The following PTPRQ variants were observed in gnomAD, a reference collection of about 807,000 sequenced individuals.
PTPRQ encodes the protein phosphatidylinositol phosphatase PTPRQ.
A neutral mutation model predicts 246.0 loss-of-function variants in PTPRQ; 199 were observed. That is an observed-to-expected ratio of 0.81 (90% CI 0.72 to 0.91). The LOEUF (loss-of-function observed/expected upper bound fraction) is 0.91. Among genes scored for constraint, PTPRQ ranks in the 40% least tolerant of loss-of-function variants. PTPRQ has a pLI of 0.00. For missense variants in PTPRQ, 2,624 were observed against 2,528.4 expected (o/e 1.04, Z -0.81); for synonymous variants, 869 against 853.2 (o/e 1.02, Z -0.32).
At chr12:80,553,579 C>T (rs918459186) in intron 25 of PTPRQ, among the ~76,000 whole-genome samples, 5 of 152,038 alleles carry the variant, frequency 3.3e-5, no homozygotes, top group Admixed American at 1.3e-4. Context: ...TAGTGTCTGA[C>T]CTTCCAGGGA....
rs771973896 is a variant in PTPRQ at position 80,460,649 on chromosome 12, C to A, written c.661-4C>A. ...TTCTCTATTGATCTTATTTTATTTACTAGGAGAATAGTGAATCTTTTTTAT... is the reference window on the plus strand; with the variant it reads ...TTCTCTATTGATCTTATTTTATTTAATAGGAGAATAGTGAATCTTTTTTAT... On this transcript the variant is annotated splice_polypyrimidine_tract_variant and splice_region_variant and intron_variant, in intron 5 of 44. Transcript: ENST00000644991. The A allele has an allele frequency of 1.5e-4, 60 of 398,380 alleles. No homozygotes were observed. Among genetic ancestry groups the A allele is most frequent in the Non-Finnish European group, 2.4e-4 (54 of 226,004 alleles). 24.7% of individuals were successfully genotyped at this position (398,380 alleles called of 1,614,324 possible). A position where few individuals can be genotyped will look rare whatever the true frequency, so the allele number is the denominator to read the frequency against.
intron 25 of PTPRQ, among the ~76,000 whole-genome samples, chr12:80,567,968 T>A (rs1246584104): frequency 2.6e-5 from 4 of 152,200 alleles, no homozygotes; most frequent in African/African-American, 9.6e-5. Context: ...ATTGTAACTT[T>A]AATTCACATT....
chr12:80,478,391 A>G (rs994022926), intron 8 of PTPRQ, among the ~76,000 whole-genome samples: 1 of 151,804 alleles, frequency 6.6e-6, no homozygotes, highest in African/African-American at 2.4e-5. Context: ...CATCACCATC[A>G]TCAAAGACCA....
intron 34 of PTPRQ, among the ~76,000 whole-genome samples, chr12:80,633,448 G>A (rs1168509113): frequency 2.6e-5 from 4 of 152,040 alleles, no homozygotes; most frequent in Admixed American, 2.0e-4. Context: ...ACAGGGCCTC[G>A]TTGGAAATCT....
intron 35 of PTPRQ, among the ~76,000 whole-genome samples, chr12:80,643,732 A>T (rs1207627817): frequency 6.6e-6 from 1 of 152,204 alleles, no homozygotes; most frequent in East Asian, 1.9e-4. Context: ...TAAGCGATAG[A>T]ATATTGTAGA....
chr12:80,629,020 A>G (rs567313598), intron 33 of PTPRQ, among the ~76,000 whole-genome samples: 15 of 152,232 alleles, frequency 9.9e-5, no homozygotes, highest in African/African-American at 2.9e-4. Flanking sequence ...CCCATTTGGT[A>G]TCAGGTGAGG....
chr12:80,554,121 C>T (rs73150735), intron 25 of PTPRQ, among the ~76,000 whole-genome samples: 34,515 of 151,582 alleles, frequency 0.23, 4,553 homozygotes, highest in African/African-American at 0.37. Context: ...TACAAAAACG[C>T]AGGTAGAATG....
intron 39 of PTPRQ, among the ~76,000 whole-genome samples, chr12:80,660,012 T>C (rs930866281): frequency 9.9e-5 from 15 of 152,004 alleles, no homozygotes; most frequent in Non-Finnish European, 2.1e-4. Flanking sequence ...ATTCCTACAA[T>C]CTTCACCTTA....
At chr12:80,675,905 T>C (rs569370513) in intron 43 of PTPRQ, among the ~76,000 whole-genome samples, 19 of 152,306 alleles carry the variant, frequency 1.2e-4, no homozygotes, top group African/African-American at 4.6e-4. Flanking sequence ...ATGTCTCTTT[T>C]GTAAAATTGC....
At chr12:80,497,555 G>A (rs1433280472) in intron 14 of PTPRQ, among the ~76,000 whole-genome samples, 5 of 152,034 alleles carry the variant, frequency 3.3e-5, no homozygotes, top group Non-Finnish European at 5.9e-5. Context: ...CTGTTATAGA[G>A]GTTGCTGGAT....
At chr12:80,589,409 C>T (rs1198450517) in intron 26 of PTPRQ, among the ~76,000 whole-genome samples, 2 of 152,140 alleles carry the variant, frequency 1.3e-5, no homozygotes, top group Non-Finnish European at 2.9e-5. Context: ...TATCATCTTC[C>T]TATCTTGACT....
intron 25 of PTPRQ, among the ~76,000 whole-genome samples, chr12:80,559,633 A>G (rs150435740): frequency 1.1e-4 from 17 of 152,262 alleles, no homozygotes; most frequent in African/African-American, 4.1e-4. Flanking sequence ...ATTAATAAGG[A>G]CTCTTCAGAT....
At chr12:80,511,883 A>T (rs1196286599) in intron 17 of PTPRQ, among the ~76,000 whole-genome samples, 1 of 152,242 alleles carries the variant, frequency 6.6e-6, no homozygotes, top group Non-Finnish European at 1.5e-5. Flanking sequence ...TTTTGTTTTC[A>T]TTTTAACTAT....
At chr12:80,677,344 A>AT (rs1465569949) in intron 43 of PTPRQ, among the ~76,000 whole-genome samples, 1 of 152,228 alleles carries the variant, frequency 6.6e-6, no homozygotes, top group Non-Finnish European at 1.5e-5. Flanking sequence ...TAGAAATTTT[A>AT]TTGCTTTATA....
intron 25 of PTPRQ, among the ~76,000 whole-genome samples, chr12:80,550,048 A>G (rs1896426335): frequency 6.6e-6 from 1 of 152,062 alleles, no homozygotes; most frequent in Admixed American, 6.6e-5. Context: ...AAACATGTAA[A>G]CCTTTCATGT....
At chr12:80,604,880 A>G (rs1898258480) in intron 26 of PTPRQ, among the ~76,000 whole-genome samples, 179 bp from the exon 27 acceptor site, 1 of 151,544 alleles carries the variant, frequency 6.6e-6, no homozygotes, top group Non-Finnish European at 1.5e-5. Context: ...AGAGTAACTA[A>G]TTTTAAAGAA....
intron 25 of PTPRQ, among the ~76,000 whole-genome samples, chr12:80,583,069 G>T (rs1032895330): frequency 4.6e-5 from 7 of 151,902 alleles, no homozygotes; most frequent in African/African-American, 7.3e-5. Flanking sequence ...TCTTCTTCAG[G>T]GTCTTAACAC....
At chr12:80,546,044 G>A (rs1315219950) in intron 23 of PTPRQ, among the ~76,000 whole-genome samples, 1 of 152,100 alleles carries the variant, frequency 6.6e-6, no homozygotes, top group African/African-American at 2.4e-5. Context: ...TACGCCAGGT[G>A]CAGTGGCTCA....
intron 9 of PTPRQ, among the ~76,000 whole-genome samples, chr12:80,486,776 T>A (rs949942895): frequency 6.6e-6 from 1 of 152,142 alleles, no homozygotes; most frequent in Middle Eastern, 3.2e-3. Context: ...TGAAATCTTA[T>A]TAGAAGTCAC....
Sources: allele counts gnomAD v4.1 joint callset (sites outside exome capture counted in the v4.1 genomes callset), GRCh38; gene constraint gnomAD v4.1.1; transcripts MANE v1.5; gene names NCBI Gene and HGNC (gene_info 2026-07-23, HGNC 2026-07-21).